UNC80: variants seen among roughly 807,000 people sequenced by gnomAD.
UNC80 encodes protein unc-80 homolog.
A neutral mutation model predicts 384.6 loss-of-function variants in UNC80; 164 were observed. The observed-to-expected ratio is 0.43, with a 90% CI of 0.38 to 0.49. The LOEUF is 0.49. Ranked by LOEUF, UNC80 falls within the 20% of genes least tolerant of loss-of-function variation. The pLI, the probability that UNC80 is intolerant of heterozygous loss-of-function variation, is 0.00. For synonymous variants in UNC80, 1,486 were observed against 1,527.8 expected, an observed-to-expected ratio of 0.97 and a Z score of 0.64; for missense variants, 3,330 against 4,143.0, an observed-to-expected ratio of 0.80 and a Z score of 5.39.
At chr2:209,979,173 C>T (rs1486452857) in intron 59 of UNC80, among the ~76,000 whole-genome samples, 1 of 152,128 alleles carries the variant, frequency 6.6e-6, no homozygotes. Flanking sequence ...CACTTGAACC[C>T]GGGAGGCAGA....
At chr2:209,820,132 A>G (rs751663194) in intron 12 of UNC80, among the ~76,000 whole-genome samples, 179 bp from the exon 13 acceptor site, 2 of 152,236 alleles carry the variant, frequency 1.3e-5, no homozygotes, top group African/African-American at 2.4e-5. Flanking sequence ...ACGCTCTATT[A>G]AGTAAATACA....
At chr2:209,777,235 G>A (rs903117873) in intron 3 of UNC80, 23 bp from the exon 4 acceptor site, 1 of 1,550,000 alleles carries the variant, frequency 6.5e-7, no homozygotes, top group African/African-American at 1.4e-5. Context: ...TTCTTAACCT[G>A]CCTGTGTAAT....
intron 22 of UNC80, among the ~76,000 whole-genome samples, chr2:209,865,078 G>C (rs1574801840): frequency 6.6e-6 from 1 of 152,132 alleles, no homozygotes; most frequent in Admixed American, 6.5e-5. Context: ...CCCTTGGCTT[G>C]GGGGAGGACA....
At position 209,820,525 on chromosome 2, in the gene UNC80, C is replaced by T; in HGVS notation, c.2177C>T (p.Thr726Ile). Residue 726 changes from threonine to isoleucine, a missense_variant, in exon 13 of 65, where the codon ACC becomes ATC. Physicochemically the swap from Thr to Ile is moderately conservative, Grantham distance 89. This residue lies in a region of UNC80 where 937 missense variants were observed against 1,026.8 expected (regional missense o/e 0.91). Coordinates refer to ENST00000673920, the MANE Select transcript of UNC80 (RefSeq NM_001371986.1). ...FQFKGVSGSS[T>I]CGFGGPAVSG... ...TTCAAAGGAGTATCTGGAAGTTCCA[C>T]CTGTGGATTCGGAGGCCCTGCTGTT... The T allele has an allele frequency of 6.4e-7, 1 of 1,550,894 alleles. No individual in the cohort carries two copies. Among genetic ancestry groups the T allele is most frequent in the Non-Finnish European group, 8.7e-7 (1 of 1,146,834 alleles).
intron 36 of UNC80, among the ~76,000 whole-genome samples, chr2:209,929,404 G>A (rs986961989): frequency 8.6e-5 from 13 of 152,018 alleles, no homozygotes; most frequent in African/African-American, 2.9e-4. Flanking sequence ...ACTTTATCTT[G>A]CTGAAGGAGA....
chr2:209,808,827 G>T, intron 7 of UNC80: 2 of 47,738 alleles, frequency 4.2e-5, no homozygotes, highest in East Asian at 7.4e-4. Context: ...TCCTCGTCAG[G>T]AAGCTCCCTG....
At chr2:209,912,728 G>T (rs2089089079) in intron 30 of UNC80, 61 bp downstream of exon 30, 1 of 1,156,044 alleles carries the variant, frequency 8.7e-7, no homozygotes, top group Non-Finnish European at 1.2e-6. Flanking sequence ...ACTCCAGACA[G>T]CCTATTTACT....
intron 21 of UNC80, among the ~76,000 whole-genome samples, chr2:209,846,202 G>A (rs547765269): frequency 2.6e-5 from 4 of 152,114 alleles, no homozygotes; most frequent in African/African-American, 9.6e-5. Context: ...TAACTTCACT[G>A]ATTTGAGATG....
chr2:209,978,323 A>G (rs1161160612), intron 58 of UNC80, among the ~76,000 whole-genome samples: 3 of 152,216 alleles, frequency 2.0e-5, no homozygotes, highest in Non-Finnish European at 4.4e-5. Context: ...CTGGCAAGGG[A>G]ACTATTTAAT....
In UNC80 at chr2:209,840,576, G is replaced by A. The variant is rs992776591; in HGVS notation, c.3285G>A (p.Leu1095=). ...NWLKRSSLSG[L]ADGVEDLLDI... ...TGAAGAGATCATCCCTCTCAGGCCT[G>A]GCAGATGGTGTGGAGGACCTCCTGG... Residue 1095 remains leucine, a synonymous_variant, in exon 20 of 65, where the codon CTG becomes CTA. Coordinates refer to ENST00000673920, the MANE Select transcript of UNC80 (RefSeq NM_001371986.1). 1.4e-5 allele frequency: 22 copies of A among 1,551,770 alleles called. No homozygotes were observed. Among genetic ancestry groups the A allele is most frequent in the Non-Finnish European group, 1.7e-5 (20 of 1,147,014 alleles).
At position 209,881,105 on chromosome 2, in the gene UNC80, G is replaced by A. The variant is rs2085247465; in HGVS notation, c.4110+11G>A. 8 of 1,551,500 alleles carry A rather than the reference G, an allele frequency of 5.2e-6. No individual in the cohort carries two copies. Among genetic ancestry groups the A allele is most frequent in the Non-Finnish European group, 7.0e-6 (8 of 1,146,910 alleles). On this transcript the variant is annotated intron_variant, in intron 25 of 64. Coordinates refer to ENST00000673920, the MANE Select transcript of UNC80 (RefSeq NM_001371986.1). ...ACTGAGCCTCTGGTGGTAAGTTAAA[G>A]CATGCAAGTTAATAATCAGGTTACT...
At chr2:209,860,808 C>T (rs376684921) in intron 22 of UNC80, among the ~76,000 whole-genome samples, 1 of 152,248 alleles carries the variant, frequency 6.6e-6, no homozygotes, top group South Asian at 2.1e-4. Flanking sequence ...CTCTTTGTAG[C>T]GATTGTGAAT....
At chr2:209,901,554 T>G (rs1157411434) in intron 28 of UNC80, among the ~76,000 whole-genome samples, 2 of 152,198 alleles carry the variant, frequency 1.3e-5, no homozygotes, top group African/African-American at 4.8e-5. Context: ...AATGTTGCTT[T>G]CATGCCTGCT....
At position 209,935,766 on chromosome 2, in the gene UNC80, G is replaced by A; in HGVS notation, c.6231G>A (p.Gln2077=). ...HGQNECDIPT[Q]LPVHEDTQFE... ...AGAATGAGTGCGATATCCCAACCCA[G>A]TTACCAGTCCATGAAGACACTCAAT... is the stretch of plus-strand genomic sequence containing the variant. The change falls in exon 40 of 65, where the codon CAG becomes CAA. Residue 2077 remains glutamine, a synonymous_variant. Coordinates refer to ENST00000673920, the MANE Select transcript of UNC80 (RefSeq NM_001371986.1). 1 of 1,540,122 alleles carries A rather than the reference G, an allele frequency of 6.5e-7. No homozygotes were observed.
chr2:209,973,044 T>G lies in UNC80; in HGVS notation c.8381-20T>G, dbSNP rs762346908. 1.1e-5 allele frequency: 17 copies of G among 1,550,724 alleles called. No homozygotes were observed. In the African/African-American group the frequency reaches 2.3e-4, roughly 21 times the overall value. Reference sequence around the variant, plus strand: ...TGATGTTTTTCTTTCCACTTCCGTCTTCCAAATTCTGCCCCTCAGATAGCC... The same window carrying G: ...TGATGTTTTTCTTTCCACTTCCGTCGTCCAAATTCTGCCCCTCAGATAGCC... On this transcript the variant is annotated intron_variant, in intron 55 of 64. Transcript: ENST00000673920.
intron 22 of UNC80, among the ~76,000 whole-genome samples, chr2:209,867,704 G>A (rs1014813131): frequency 3.3e-5 from 5 of 151,740 alleles, no homozygotes; most frequent in African/African-American, 9.7e-5. Context: ...AAACCCATCC[G>A]GTCTCTCTAT....
chr2:209,900,728 G>A (rs1414569406), intron 28 of UNC80, among the ~76,000 whole-genome samples: 1 of 152,176 alleles, frequency 6.6e-6, no homozygotes, highest in Admixed American at 6.5e-5. Flanking sequence ...GTACCAAAAA[G>A]CCAAGTTGTG....
chr2:209,871,958 T>C (rs991890708), intron 22 of UNC80, among the ~76,000 whole-genome samples: 1 of 152,032 alleles, frequency 6.6e-6, no homozygotes, highest in African/African-American at 2.4e-5. Flanking sequence ...TCCAGTCAGT[T>C]ATTTATGACA....
chr2:209,946,836 A>G (rs756463499), intron 47 of UNC80, among the ~76,000 whole-genome samples: 1 of 152,202 alleles, frequency 6.6e-6, no homozygotes, highest in Non-Finnish European at 1.5e-5. Context: ...ATATCTTTAT[A>G]TATTTGCCCT....
Sources: gnomAD v4.1 joint callset for allele counts (sites outside exome capture counted in the v4.1 genomes callset) on GRCh38, gnomAD v4.1.1 for gene constraint, gnomAD v4.1.1 regional missense constraint, MANE v1.5 for transcripts, NCBI Gene and HGNC (gene_info 2026-07-23, HGNC 2026-07-21) for gene names.